Variants in FAXC observed in about 807,000 individuals in gnomAD.
FAXC encodes the protein failed axon connections homolog, metaxin like GST domain containing.
A neutral mutation model predicts 41.9 loss-of-function variants in FAXC; 10 were observed. That is an observed-to-expected ratio of 0.24 (90% CI 0.15 to 0.41). The LOEUF is 0.41. FAXC is among the 10% of genes least tolerant of loss of function. The pLI, the probability that FAXC is intolerant of heterozygous loss-of-function variation, is 1.00. For synonymous variants in FAXC, 183 were observed against 183.8 expected (o/e 1.00, Z 0.03); for missense variants, 399 against 510.9 (o/e 0.78, Z 2.11).
At chr6:99,306,579 G>A (rs1771929934) in intron 4 of FAXC, among the ~76,000 whole-genome samples, 2 of 152,180 alleles carry the variant, frequency 1.3e-5, no homozygotes, top group Admixed American at 1.3e-4. Flanking sequence ...TGCAATGTGA[G>A]ATGAACAGGG....
rs1280329967 is a variant in FAXC at position 99,271,832 on chromosome 6, C to T, written c.*9332G>A. The T allele has an allele frequency of 2.6e-5, 4 of 152,058 alleles. No homozygotes were observed. The highest frequency in any genetic ancestry group is 9.7e-5 in the African/African-American group (4 of 41,374). The allele number at this position is 152,058 out of a possible 1,614,324, so 9.4% of individuals were successfully genotyped here. ...TGGTAAAAAGCTAATATTTGAGTAA[C>T]AGTATTATTATTTGACCAAAGATTT... On this transcript the variant is annotated 3_prime_UTR_variant, in exon 6 of 6. Coordinates refer to ENST00000389677, the MANE Select transcript of FAXC (RefSeq NM_032511.4).
intron 4 of FAXC, among the ~76,000 whole-genome samples, chr6:99,306,441 A>T (rs1057298612): frequency 2.0e-5 from 3 of 152,092 alleles, no homozygotes; most frequent in African/African-American, 7.2e-5. Flanking sequence ...GGGAGGATGA[A>T]GAGTTCTGTT....
At position 99,349,507 on chromosome 6, in the gene FAXC, C is replaced by T; in HGVS notation, c.-135G>A. On this transcript the variant is annotated 5_prime_UTR_variant, in exon 1 of 6. Coordinates refer to ENST00000389677, the MANE Select transcript of FAXC (RefSeq NM_032511.4). ...CGGGCGGCGGCGACTGAGGAGGCGG[C>T]GGCGACTGAGGAGGCGGCGGCAGAG... 5 of 569,058 alleles carry T rather than the reference C, an allele frequency of 8.8e-6. No homozygotes were observed. The highest frequency in any genetic ancestry group is 1.1e-5 in the Non-Finnish European group (5 of 451,836). The allele number at this position is 569,058 out of a possible 1,614,324, so 35.3% of individuals were successfully genotyped here.
chr6:99,348,093 C>G (rs1773662093), intron 1 of FAXC, among the ~76,000 whole-genome samples: 1 of 152,202 alleles, frequency 6.6e-6, no homozygotes, highest in African/African-American at 2.4e-5. Flanking sequence ...CAGGCTAGTA[C>G]AGGTCACCTA....
chr6:99,321,018 T>C (rs182613), intron 4 of FAXC, among the ~76,000 whole-genome samples: 76,609 of 152,048 alleles, frequency 0.5, 21,217 homozygotes, highest in East Asian at 0.79. Flanking sequence ...TCTGTTGCAT[T>C]TTTTCCCTAC....
chr6:99,322,071 G>A (rs145898501), intron 4 of FAXC, among the ~76,000 whole-genome samples: 1 of 152,336 alleles, frequency 6.6e-6, no homozygotes, highest in Non-Finnish European at 1.5e-5. Context: ...AGGCAAACTT[G>A]AGGTTAATTC....
Position 99,349,508 on chromosome 6 carries a change from G to T in FAXC, c.-136C>A. 1.8e-6 allele frequency: 1 copy of T among 541,266 alleles called. No homozygotes were observed. The highest frequency in any genetic ancestry group is 2.3e-6 in the Non-Finnish European group (1 of 426,664). 33.5% of individuals were successfully genotyped at this position (541,266 alleles called of 1,614,324 possible). On this transcript the variant is annotated 5_prime_UTR_variant, in exon 1 of 6. Transcript: ENST00000389677. ...GGGCGGCGGCGACTGAGGAGGCGGC[G>T]GCGACTGAGGAGGCGGCGGCAGAGG...
rs780059214 is a variant in FAXC at position 99,333,598 on chromosome 6, C to T, written c.403-51G>A. ...AGAAAAGCAATATTGTATTTAAATT[C>T]CACTGCATGATTAATAGAAACAAAC... On this transcript the variant is annotated intron_variant, in intron 2 of 5. Coordinates refer to ENST00000389677, the MANE Select transcript of FAXC (RefSeq NM_032511.4). 17 of 1,410,418 alleles carry T rather than the reference C, an allele frequency of 1.2e-5. No individual in the cohort carries two copies. In the African/African-American group the frequency reaches 2.2e-4, roughly 18 times the overall value. 87.4% of individuals were successfully genotyped at this position (1,410,418 alleles called of 1,614,324 possible).
At chr6:99,293,237 C>T (rs369084266) in intron 4 of FAXC, among the ~76,000 whole-genome samples, 14 of 152,330 alleles carry the variant, frequency 9.2e-5, no homozygotes, top group Admixed American at 3.9e-4. Flanking sequence ...ACCCATGTTC[C>T]AGCTGTATCC....
At chr6:99,299,279 G>A (rs142102060) in intron 4 of FAXC, among the ~76,000 whole-genome samples, 2 of 152,146 alleles carry the variant, frequency 1.3e-5, no homozygotes, top group African/African-American at 4.8e-5. Context: ...ACTTCCCACT[G>A]GTCACTGTCA....
At chr6:99,283,207 T>C (rs922857984) in intron 5 of FAXC, among the ~76,000 whole-genome samples, 2 of 152,256 alleles carry the variant, frequency 1.3e-5, no homozygotes, top group Non-Finnish European at 2.9e-5. Context: ...TTAGTCTGTA[T>C]AGACAAACTG....
At chr6:99,295,706 G>A (rs945367741) in intron 4 of FAXC, among the ~76,000 whole-genome samples, 3 of 152,160 alleles carry the variant, frequency 2.0e-5, no homozygotes, top group African/African-American at 7.2e-5. Flanking sequence ...CCTTCGCAGG[G>A]CATCATATCA....
intron 5 of FAXC, among the ~76,000 whole-genome samples, chr6:99,283,114 G>T (rs1770898278): frequency 6.6e-6 from 1 of 152,090 alleles, no homozygotes; most frequent in South Asian, 2.1e-4. Context: ...CATATTAATG[G>T]TTCTGTTGAT....
At chr6:99,290,834 C>A (rs927884787) in intron 5 of FAXC, among the ~76,000 whole-genome samples, 2 of 148,972 alleles carry the variant, frequency 1.3e-5, no homozygotes, top group Non-Finnish European at 3.0e-5. Context: ...TAATTTAAGA[C>A]GGAGTCTTGC....
chr6:99,281,323 C>T lies in FAXC; in HGVS notation c.1071G>A (p.Pro357=), dbSNP rs1466709684. The change falls in exon 6 of 6, where the codon CCG becomes CCA. Residue 357 remains proline, a synonymous_variant. Coordinates refer to ENST00000389677, the MANE Select transcript of FAXC (RefSeq NM_032511.4). The part of the protein sequence containing the change: ...ESSEGSKTHT[P]LLDFSFYSRT... ...TTGAGTAAAAGCTAAAATCCAGCAG[C>T]GGGGTGTGGGTTTTGCTGCCTTCGC... 11 of 1,614,158 alleles carry T rather than the reference C, an allele frequency of 6.8e-6. No homozygotes were observed. The highest frequency in any genetic ancestry group is 1.7e-5 in the Admixed American group (1 of 60,016).
rs1283694454 is a variant in FAXC, at chr6:99,279,997, C to A, written c.*1167G>T. 4 of 152,148 alleles carry A rather than the reference C, an allele frequency of 2.6e-5. No individual in the cohort carries two copies. 9.4% of individuals were successfully genotyped at this position (152,148 alleles called of 1,614,324 possible). A position where few individuals can be genotyped will look rare whatever the true frequency, so the allele number is the denominator to read the frequency against. The stretch of plus-strand genomic sequence containing the variant: ...GACATTACAAGTTGGCAGGCTTCTG[C>A]TTATAAAAATCAATGAAATACTTTC... On this transcript the variant is annotated 3_prime_UTR_variant, in exon 6 of 6. Coordinates refer to ENST00000389677, the MANE Select transcript of FAXC (RefSeq NM_032511.4).
chr6:99,282,185 G>A (rs984749250), intron 5 of FAXC, among the ~76,000 whole-genome samples: 2 of 152,086 alleles, frequency 1.3e-5, no homozygotes, highest in Non-Finnish European at 2.9e-5. Flanking sequence ...TATCAAGAGA[G>A]CTAATGCTGT....
intron 4 of FAXC, among the ~76,000 whole-genome samples, chr6:99,318,769 T>C (rs1046148004): frequency 8.5e-5 from 13 of 152,132 alleles, no homozygotes; most frequent in Admixed American, 2.6e-4. Flanking sequence ...ATTTTGCAAA[T>C]GAACAACTCA....
At chr6:99,339,852 G>C (rs1032902833) in intron 2 of FAXC, among the ~76,000 whole-genome samples, 1 of 151,832 alleles carries the variant, frequency 6.6e-6, no homozygotes, top group African/African-American at 2.4e-5. Flanking sequence ...GGATAATAGG[G>C]AACAAGGAAG....
Sources: gnomAD v4.1 joint callset for allele counts (sites outside exome capture counted in the v4.1 genomes callset) on GRCh38, gnomAD v4.1.1 for gene constraint, MANE v1.5 for transcripts, NCBI Gene and HGNC (gene_info 2026-07-23, HGNC 2026-07-21) for gene names.